The following OXR1 variants were observed in gnomAD, a reference collection of about 807,000 sequenced individuals.
OXR1 encodes oxidation resistance protein 1.
Under a neutral mutation model 104.6 loss-of-function variants are expected in OXR1, and 41 were observed. The observed-to-expected ratio is 0.39, with a 90% CI of 0.31 to 0.51. The LOEUF is 0.51. Among genes scored for constraint, OXR1 ranks in the 20% least tolerant of loss-of-function variants. The pLI is 0.77. For missense variants in OXR1, 955 were observed against 1,031.9 expected, an observed-to-expected ratio of 0.93 and a Z score of 1.02; for synonymous variants, 348 against 348.4, an observed-to-expected ratio of 1.00 and a Z score of 0.01.
intron 2 of OXR1, among the ~76,000 whole-genome samples, chr8:106,375,695 T>C (rs985694659): frequency 2.0e-5 from 3 of 152,188 alleles, no homozygotes; most frequent in African/African-American, 7.2e-5. Context: ...CATTCATTAG[T>C]GCTTTCAGTC....
intron 2 of OXR1, among the ~76,000 whole-genome samples, chr8:106,444,286 C>T (rs1030081043): frequency 6.6e-6 from 1 of 152,150 alleles, no homozygotes; most frequent in East Asian, 1.9e-4. Flanking sequence ...TATGGCAATT[C>T]CTCAAGGATC....
chr8:106,514,371 A>G (rs1027035651), intron 2 of OXR1, among the ~76,000 whole-genome samples: 4 of 152,140 alleles, frequency 2.6e-5, no homozygotes, highest in Non-Finnish European at 4.4e-5. Context: ...ATTGTTAGCC[A>G]GTAATTCAAT....
intron 3 of OXR1, among the ~76,000 whole-genome samples, chr8:106,584,784 C>T (rs548142785): frequency 1.3e-5 from 2 of 152,098 alleles, no homozygotes; most frequent in South Asian, 4.2e-4. Flanking sequence ...TAGGAGATAT[C>T]CATAAGGAAG....
chr8:106,519,865 T>C (rs1813132893), intron 3 of OXR1, among the ~76,000 whole-genome samples: 1 of 152,210 alleles, frequency 6.6e-6, no homozygotes, highest in Non-Finnish European at 1.5e-5. Context: ...TTACCAACTT[T>C]AGTGTACCAT....
intron 2 of OXR1, among the ~76,000 whole-genome samples, chr8:106,440,590 T>G (rs942146178): frequency 1.3e-5 from 2 of 152,090 alleles, no homozygotes; most frequent in Non-Finnish European, 2.9e-5. Flanking sequence ...GGCATGCATC[T>G]AAAACATATC....
intron 3 of OXR1, among the ~76,000 whole-genome samples, chr8:106,574,396 G>A (rs1473631371): frequency 2.0e-5 from 3 of 152,200 alleles, no homozygotes; most frequent in Non-Finnish European, 2.9e-5. Flanking sequence ...TGGAAAAAAA[G>A]GGGGGAAATG....
chr8:106,550,190 C>T (rs933679357), intron 3 of OXR1, among the ~76,000 whole-genome samples: 1 of 152,190 alleles, frequency 6.6e-6, no homozygotes, highest in South Asian at 2.1e-4. Context: ...GTAATGGACT[C>T]ATCAGATGTT....
At chr8:106,692,441 G>C (rs899802180) in intron 6 of OXR1, among the ~76,000 whole-genome samples, 5 of 152,010 alleles carry the variant, frequency 3.3e-5, no homozygotes, top group Admixed American at 2.6e-4. Context: ...AGTGTTCACT[G>C]TTCTCCAGAT....
chr8:106,718,358 A>G (rs1453369820), intron 11 of OXR1, among the ~76,000 whole-genome samples: 1 of 152,220 alleles, frequency 6.6e-6, no homozygotes, highest in South Asian at 2.1e-4. Flanking sequence ...ACAGAAACAT[A>G]TATTTACTAA....
Position 106,470,068 on chromosome 8 carries a change from T to C in OXR1, c.24-48875T>C, listed in dbSNP as rs887027762. Reference sequence around the variant, plus strand: ...AGAAGCCAGAGTGGCTACAGTGCAATGAGTTAGTGAAAGAATAGTAAGAAA... The same window carrying C: ...AGAAGCCAGAGTGGCTACAGTGCAACGAGTTAGTGAAAGAATAGTAAGAAA... On this transcript the variant is annotated intron_variant, in intron 2 of 16. Coordinates refer to ENST00000517566, the MANE Select transcript of OXR1 (RefSeq NM_001198533.2). Among the ~76,000 whole-genome samples the C allele has an allele frequency of 3.3e-5, 5 of 151,678 alleles. No individual in the cohort carries two copies. The South Asian group carries it at 6.2e-4, about 19-fold the overall frequency.
At chr8:106,504,227 T>A (rs1429186220) in intron 2 of OXR1, among the ~76,000 whole-genome samples, 2 of 152,174 alleles carry the variant, frequency 1.3e-5, no homozygotes, top group African/African-American at 4.8e-5. Context: ...CTTCAAAATT[T>A]AATTTTTAGT....
chr8:106,518,879 T>C, intron 2 of OXR1, 64 bp from the exon 3 acceptor site: 1 of 1,243,360 alleles, frequency 8.0e-7, no homozygotes, highest in Non-Finnish European at 1.1e-6. Flanking sequence ...AAAAAAATTA[T>C]AAACATGGAA....
At chr8:106,627,254 T>G (rs1019969735) in intron 3 of OXR1, among the ~76,000 whole-genome samples, 2 of 152,146 alleles carry the variant, frequency 1.3e-5, no homozygotes, top group Non-Finnish European at 2.9e-5. Context: ...TAGTTTCTGG[T>G]GTTTTGAGAG....
intron 9 of OXR1, chr8:106,707,379 C>T: frequency 1.6e-6 from 1 of 630,080 alleles, no homozygotes; most frequent in Non-Finnish European, 2.8e-6. Flanking sequence ...CATGTTTAAA[C>T]ATTCTTGGCT....
chr8:106,691,615 T>C (rs1056540564), intron 6 of OXR1, among the ~76,000 whole-genome samples: 1 of 67,832 alleles, frequency 1.5e-5, no homozygotes, highest in Non-Finnish European at 2.8e-5. Flanking sequence ...TGCACATATA[T>C]ATACATATAT....
At chr8:106,700,925 A>G (rs936613823) in intron 7 of OXR1, among the ~76,000 whole-genome samples, 5 of 152,122 alleles carry the variant, frequency 3.3e-5, no homozygotes, top group Non-Finnish European at 5.9e-5. Context: ...ATAAGTTTAC[A>G]GAAGATGGGA....
chr8:106,673,686 G>A (rs974775579), intron 3 of OXR1, among the ~76,000 whole-genome samples: 1 of 152,120 alleles, frequency 6.6e-6, no homozygotes, highest in African/African-American at 2.4e-5. Flanking sequence ...TGGAGACTTA[G>A]GAAGAAAAAA....
chr8:106,447,634 C>G (rs1311104084), intron 2 of OXR1, among the ~76,000 whole-genome samples: 1 of 152,166 alleles, frequency 6.6e-6, no homozygotes, highest in African/African-American at 2.4e-5. Flanking sequence ...TATCAATATA[C>G]TTGTGTTCCT....
At chr8:106,715,441 T>C (rs1006975593) in intron 11 of OXR1, among the ~76,000 whole-genome samples, 9 of 145,846 alleles carry the variant, frequency 6.2e-5, no homozygotes, top group African/African-American at 2.2e-4. Context: ...ATATGTATCT[T>C]ATATATATAT....
Sources: allele counts gnomAD v4.1 joint callset (sites outside exome capture counted in the v4.1 genomes callset), GRCh38; gene constraint gnomAD v4.1.1; transcripts MANE v1.5; gene names NCBI Gene and HGNC (gene_info 2026-07-23, HGNC 2026-07-21).